The following IFT43 variants were observed in gnomAD, a reference collection of about 807,000 sequenced individuals.
IFT43 encodes intraflagellar transport 43.
IFT43 carries 33 observed loss-of-function variants against 32.3 expected under a neutral mutation model. The ratio of observed to expected loss-of-function variants is 1.02; its 90% CI spans 0.77 to 1.37. IFT43 has a LOEUF of 1.37. Ranked by LOEUF, IFT43 falls within the 40% of genes most tolerant of loss-of-function variation. The probability of loss-of-function intolerance (pLI) is 0.00; values close to 1 mark genes in which losing one functional copy is unlikely to be tolerated. For synonymous variants in IFT43, 93 were observed against 98.2 expected (o/e 0.95, Z 0.31); for missense variants, 274 against 265.9 (o/e 1.03, Z -0.21).
chr14:76,019,928 C>G (rs1418986760), intron 2 of IFT43, among the ~76,000 whole-genome samples: 1 of 151,100 alleles, frequency 6.6e-6, no homozygotes, highest in Middle Eastern at 3.4e-3. Flanking sequence ...ATGTTTATCT[C>G]TTTATTGACT....
chr14:76,021,904 G>A (rs889084029), intron 2 of IFT43, among the ~76,000 whole-genome samples: 3 of 152,196 alleles, frequency 2.0e-5, no homozygotes, highest in African/African-American at 7.2e-5. Flanking sequence ...TCAAAAGGTA[G>A]GCTGAATATT....
At chr14:75,994,887 GAA>G (rs1257077009) in intron 2 of IFT43, among the ~76,000 whole-genome samples, 1 of 152,194 alleles carries the variant, frequency 6.6e-6, no homozygotes, top group Non-Finnish European at 1.5e-5. Flanking sequence ...GCTTTCTACC[GAA>G]AAGTTACCTT....
At chr14:76,041,526 G>A (rs1187628132) in intron 3 of IFT43, among the ~76,000 whole-genome samples, 2 of 152,178 alleles carry the variant, frequency 1.3e-5, no homozygotes, top group Admixed American at 6.5e-5. Flanking sequence ...GGGGAACTTG[G>A]TAGAAACAGC....
intron 2 of IFT43, among the ~76,000 whole-genome samples, chr14:76,012,506 G>A (rs1424170826): frequency 1.3e-5 from 2 of 152,212 alleles, no homozygotes; most frequent in East Asian, 1.9e-4. Flanking sequence ...CGCCAGTCAC[G>A]TGCTTCCAAC....
intron 7 of IFT43, among the ~76,000 whole-genome samples, 190 bp downstream of exon 7, chr14:76,082,882 A>G (rs2037538251): frequency 6.6e-6 from 1 of 152,132 alleles, no homozygotes; most frequent in Non-Finnish European, 1.5e-5. Context: ...CCAACATAGT[A>G]CAGTGTTTCT....
At chr14:76,047,544 C>A (rs919527411) in intron 3 of IFT43, among the ~76,000 whole-genome samples, 1 of 152,130 alleles carries the variant, frequency 6.6e-6, no homozygotes, top group Non-Finnish European at 1.5e-5. Flanking sequence ...AAAGTTGTAG[C>A]AGGTCTGACA....
intron 5 of IFT43, among the ~76,000 whole-genome samples, chr14:76,066,421 T>C (rs2037225175): frequency 6.6e-6 from 1 of 152,232 alleles, no homozygotes. Context: ...GAAAATCAGT[T>C]CATATGTTAC....
chr14:76,020,634 G>A (rs992505670), intron 2 of IFT43, among the ~76,000 whole-genome samples: 1 of 152,204 alleles, frequency 6.6e-6, no homozygotes, highest in Admixed American at 6.5e-5. Flanking sequence ...ATCAGCATCA[G>A]TGGGTATCTA....
intron 2 of IFT43, among the ~76,000 whole-genome samples, chr14:76,018,925 GTTTCT>G (rs890221038): frequency 3.9e-5 from 6 of 151,964 alleles, no homozygotes; most frequent in African/African-American, 1.4e-4. Context: ...AGTGAAGTAA[GTTTCT>G]TATAGGCAGC....
intron 3 of IFT43, among the ~76,000 whole-genome samples, chr14:76,046,358 C>T (rs940298316): frequency 9.2e-5 from 14 of 151,914 alleles, no homozygotes; most frequent in Admixed American, 3.9e-4. Context: ...GGTCAGGTGG[C>T]GAGGGCAGGC....
At chr14:76,026,292 C>T (rs574253241) in intron 3 of IFT43, among the ~76,000 whole-genome samples, 12 of 152,276 alleles carry the variant, frequency 7.9e-5, no homozygotes, top group African/African-American at 2.9e-4. Context: ...GGTGTGGTGG[C>T]TCACGCCTGT....
rs1270125428 is a variant in IFT43 at position 76,032,288 on chromosome 14, C to A, written c.215+9894C>A. 2.6e-4 allele frequency among the ~76,000 whole-genome samples: 40 copies of A among 152,324 alleles called. 1 individual carries two copies. Among genetic ancestry groups the A allele is most frequent in the Admixed American group, 2.6e-3 (40 of 15,298 alleles). The stretch of plus-strand genomic sequence containing the variant: ...GCCACCATCATTTCTTGCACTGGCT[C>A]AAGTGAGAACTTCCTGACGAGGCTC... On this transcript the variant is annotated intron_variant, in intron 3 of 8. Coordinates refer to ENST00000314067, the MANE Select transcript of IFT43 (RefSeq NM_001102564.3).
At chr14:76,082,989 G>T (rs1322059653) in intron 7 of IFT43, among the ~76,000 whole-genome samples, 1 of 152,086 alleles carries the variant, frequency 6.6e-6, no homozygotes, top group African/African-American at 2.4e-5. Context: ...TGTCACACTC[G>T]GTCCTCCTGG....
At chr14:76,005,729 A>T (rs1169895694) in intron 2 of IFT43, among the ~76,000 whole-genome samples, 1 of 152,204 alleles carries the variant, frequency 6.6e-6, no homozygotes, top group Non-Finnish European at 1.5e-5. Flanking sequence ...GACTGAGTGC[A>T]TTCACACTCA....
At chr14:76,083,347 G>A (rs1021857708) in intron 8 of IFT43, 58 bp downstream of exon 8, 31 of 1,609,246 alleles carry the variant, frequency 1.9e-5, no homozygotes, top group Admixed American at 1.3e-4. Context: ...ATAACCAGCC[G>A]ACTCCCGGGC....
At chr14:76,083,945 G>A (rs1162340016), downstream of IFT43, 1 of 466,348 alleles carries the variant, frequency 2.1e-6, no homozygotes, top group Non-Finnish European at 4.2e-6. Flanking sequence ...GCCTGCTGGG[G>A]TTCTGGGGCG....
chr14:76,059,817 C>A (rs1279654085), intron 5 of IFT43, among the ~76,000 whole-genome samples: 1 of 152,206 alleles, frequency 6.6e-6, no homozygotes, highest in East Asian at 1.9e-4. Flanking sequence ...CTACTATTAT[C>A]CCCATTTTAC....
At chr14:76,043,498 G>A (rs1278425178) in intron 3 of IFT43, among the ~76,000 whole-genome samples, 1 of 151,746 alleles carries the variant, frequency 6.6e-6, no homozygotes, top group Admixed American at 6.6e-5. Context: ...ACGGAGTCTC[G>A]CTCTGTCGCC....
chr14:75,989,878 C>T (rs1267304696), intron 2 of IFT43, among the ~76,000 whole-genome samples: 1 of 152,224 alleles, frequency 6.6e-6, no homozygotes, highest in Non-Finnish European at 1.5e-5. Flanking sequence ...GACATGGACA[C>T]ACTTCACTTA....
Sources: allele counts gnomAD v4.1 joint callset (sites outside exome capture counted in the v4.1 genomes callset), GRCh38; gene constraint gnomAD v4.1.1; transcripts MANE v1.5; gene names NCBI Gene and HGNC (gene_info 2026-07-23, HGNC 2026-07-21).